HSP90AA1: variants seen among roughly 807,000 people sequenced by gnomAD.
HSP90AA1 encodes heat shock protein HSP 90-alpha.
A neutral mutation model predicts 73.3 loss-of-function variants in HSP90AA1; 18 were observed. The observed-to-expected ratio is 0.25, with a 90% CI of 0.17 to 0.36. The LOEUF (loss-of-function observed/expected upper bound fraction) is 0.36. HSP90AA1 is among the 10% of genes least tolerant of loss of function. The probability of loss-of-function intolerance (pLI) is 1.00; values close to 1 mark genes in which losing one functional copy is unlikely to be tolerated. For missense variants in HSP90AA1, 704 were observed against 874.2 expected, an observed-to-expected ratio of 0.81 and a Z score of 2.45; for synonymous variants, 477 against 296.9, an observed-to-expected ratio of 1.61 and a Z score of -6.24.
chr14:102,107,474 G>A (rs191757584), intron 1 of HSP90AA1, among the ~76,000 whole-genome samples: 7 of 151,886 alleles, frequency 4.6e-5, no homozygotes, highest in South Asian at 2.1e-4. Flanking sequence ...ACAGGTGCAC[G>A]CCACCATGCC....
At position 102,097,609 on chromosome 14, in the gene HSP90AA1, T is replaced by C. The variant is rs115472565; in HGVS notation, c.366+4266A>G. 9.8e-3 allele frequency among the ~76,000 whole-genome samples: 1,494 copies of C among 152,332 alleles called. 38 individuals are homozygous for C. Among genetic ancestry groups the C allele is most frequent in the African/African-American group, 0.034 (1,418 of 41,582 alleles). On this transcript the variant is annotated intron_variant, in intron 2 of 11. Coordinates refer to the HSP90AA1 transcript ENST00000334701. ...GAACAGGCCTAGCTGGTCCGTCCAG[T>C]GCCCAGAGGGCTTGTTTATCCTCAG...
At chr14:102,097,964 G>A (rs1265472374) in intron 2 of HSP90AA1, among the ~76,000 whole-genome samples, 2 of 152,206 alleles carry the variant, frequency 1.3e-5, no homozygotes, top group East Asian at 3.9e-4. Context: ...CACCCGGCTA[G>A]TTCACACCTC....
At chr14:102,128,916 AAGGTTT>A (rs917127970) in intron 1 of HSP90AA1, among the ~76,000 whole-genome samples, 1 of 152,162 alleles carries the variant, frequency 6.6e-6, no homozygotes, top group African/African-American at 2.4e-5. Flanking sequence ...AGAAATGAGA[AAGGTTT>A]ATGCCTTACG....
rs1355308477 is a variant in HSP90AA1, at chr14:102,081,571, A to G, written c.*141T>C. ...TATCACAGCATCACTTAGTAGACAGAAATCTTATCTTCCCCTTAAAGTAGT... is the reference window on the plus strand; with the variant it reads ...TATCACAGCATCACTTAGTAGACAGGAATCTTATCTTCCCCTTAAAGTAGT... On this transcript the variant is annotated 3_prime_UTR_variant, in exon 11 of 11. Transcript: ENST00000216281. 1 of 667,292 alleles carries G rather than the reference A, an allele frequency of 1.5e-6. No individual in the cohort carries two copies. The allele number at this position is 667,292 out of a possible 1,614,324, so 41.3% of individuals were successfully genotyped here.
chr14:102,084,002 A>T lies in HSP90AA1; in HGVS notation c.1148-19T>A. On this transcript the variant is annotated intron_variant, in intron 6 of 10. Transcript: ENST00000216281. ...ATGAAGTCTGAAAAAAATATAAACC[A>T]AATGCACTGAGTCATTCCAAGGACA... 6.3e-7 allele frequency: 1 copy of T among 1,582,694 alleles called. No individual in the cohort carries two copies. Among genetic ancestry groups the T allele is most frequent in the Non-Finnish European group, 8.7e-7 (1 of 1,151,652 alleles).
Position 102,087,016 on chromosome 14 carries a change from C to G in HSP90AA1, c.-31G>C, listed in dbSNP as rs1026355438. On this transcript the variant is annotated 5_prime_UTR_variant, in exon 1 of 11. Coordinates refer to ENST00000216281, the MANE Select transcript of HSP90AA1 (RefSeq NM_005348.4). The stretch of plus-strand genomic sequence containing the variant: ...CTAAGTGACCGCACAGGACCAACGG[C>G]ACAGCCACACCGGGACGCTGAAGCA... The G allele has an allele frequency of 2.1e-4, 206 of 985,326 alleles. No individual in the cohort carries two copies. Among genetic ancestry groups the G allele is most frequent in the Non-Finnish European group, 2.5e-4 (204 of 830,154 alleles). The allele number at this position is 985,326 out of a possible 1,614,324, so 61.0% of individuals were successfully genotyped here.
intron 1 of HSP90AA1, among the ~76,000 whole-genome samples, chr14:102,086,617 T>A (rs1566721905): frequency 8.6e-5 from 13 of 150,804 alleles, no homozygotes. Flanking sequence ...CCCGCCGCGG[T>A]CCCCAACGAA....
Position 102,085,405 on chromosome 14 carries a change from C to T in HSP90AA1, c.556G>A (p.Val186Ile), listed in dbSNP as rs1229177050. ...TGGTCTTCTTTCAGGTGTAGGATAACTTTTGTTCCACGACCCATAGGTTCA... is the reference window on the plus strand; with the variant it reads ...TGGTCTTCTTTCAGGTGTAGGATAATTTTTGTTCCACGACCCATAGGTTCA... Reference protein sequence around the residue: ...TGEPMGRGTKVILHLKEDQTE... With the variant: ...TGEPMGRGTKIILHLKEDQTE... Residue 186 changes from valine to isoleucine, a missense_variant, in exon 4 of 11, where the codon GTT (valine) becomes ATT (isoleucine). Transcript: ENST00000216281. The T allele has an allele frequency of 2.5e-6, 4 of 1,613,742 alleles. No homozygotes were observed. Among genetic ancestry groups the T allele is most frequent in the South Asian group, 2.2e-5 (2 of 91,064 alleles).
intron 1 of HSP90AA1, among the ~76,000 whole-genome samples, chr14:102,104,392 T>C (rs765277107): frequency 5.1e-4 from 78 of 152,004 alleles, no homozygotes; most frequent in Non-Finnish European, 1.0e-4. Context: ...TTTGTATTTT[T>C]AGTAGAGACA....
At chr14:102,131,033 A>G (rs886770140) in intron 1 of HSP90AA1, among the ~76,000 whole-genome samples, 1 of 152,212 alleles carries the variant, frequency 6.6e-6, no homozygotes. Flanking sequence ...CAGGCTTTAA[A>G]TACTACCTAT....
chr14:102,129,353 ACTATTATTCAG>A (rs2049878328), intron 1 of HSP90AA1, among the ~76,000 whole-genome samples: 1 of 151,796 alleles, frequency 6.6e-6, no homozygotes, highest in South Asian at 2.1e-4. Flanking sequence ...TCACCCAACG[ACTATTATTCAG>A]TGGTTTCTGG....
upstream of HSP90AA1, among the ~76,000 whole-genome samples, chr14:102,091,612 T>A (rs1316181385): frequency 3.3e-5 from 5 of 151,586 alleles, no homozygotes; most frequent in African/African-American, 1.2e-4. Flanking sequence ...GGCAACAGAG[T>A]GAGACTGTCT....
intron 1 of HSP90AA1, among the ~76,000 whole-genome samples, chr14:102,132,366 A>C (rs1416201967): frequency 6.6e-6 from 1 of 151,770 alleles, no homozygotes; most frequent in East Asian, 1.9e-4. Flanking sequence ...ACTCAGTCTC[A>C]AAAAAAATAA....
intron 2 of HSP90AA1, among the ~76,000 whole-genome samples, chr14:102,100,318 T>C (rs2049476369): frequency 6.6e-6 from 1 of 152,120 alleles, no homozygotes; most frequent in African/African-American, 2.4e-5. Context: ...AGGCTCACAG[T>C]GAATTCTCTC....
At chr14:102,134,627 T>TA (rs1191236964) in intron 1 of HSP90AA1, among the ~76,000 whole-genome samples, 3 of 152,094 alleles carry the variant, frequency 2.0e-5, no homozygotes, top group Non-Finnish European at 4.4e-5. Context: ...CGGTGAGTAT[T>TA]ACAGCTCCTA....
chr14:102,084,761 G>C lies in HSP90AA1; in HGVS notation c.901C>G (p.Pro301Ala), dbSNP rs1385045797. 1.9e-6 allele frequency: 3 copies of C among 1,614,110 alleles called. No individual in the cohort carries two copies. The highest frequency in any genetic ancestry group is 2.2e-5 in the South Asian group (2 of 91,076). The change falls in exon 5 of 11, where the codon CCC (proline) becomes GCC (alanine). Residue 301 changes from proline (P) to alanine (A), a missense_variant. By Grantham distance (27) the Pro-to-Ala change is conservative. Transcript: ENST00000216281. The stretch of plus-strand genomic sequence containing the variant: ...TACTCCTCATTAGTAATATCGTCGG[G>C]ATTTCTGGTCCAGATGGGCTTTGTT... Reference protein sequence around the residue: ...NKTKPIWTRNPDDITNEEYGE... With the variant: ...NKTKPIWTRNADDITNEEYGE...
intron 9 of HSP90AA1, 143 bp downstream of exon 9, chr14:102,082,891 T>G (rs1280445564): frequency 8.5e-6 from 7 of 825,544 alleles, no homozygotes; most frequent in Non-Finnish European, 1.5e-5. Context: ...AGTGCTGGGA[T>G]TGCAGGCGTG....
exon 1 of HSP90AA1, chr14:102,139,385 C>G: frequency 6.3e-7 from 1 of 1,583,734 alleles, no homozygotes; most frequent in African/African-American, 1.3e-5. Flanking sequence ...GGAGCCGTCC[C>G]CGCCCGAACA....
intron 1 of HSP90AA1, among the ~76,000 whole-genome samples, chr14:102,136,916 G>T (rs934002995): frequency 1.4e-5 from 2 of 143,274 alleles, no homozygotes; most frequent in African/African-American, 5.2e-5. Flanking sequence ...AAAAAAAAAA[G>T]AAATACCTGG....
Sources: allele counts gnomAD v4.1 joint callset (sites outside exome capture counted in the v4.1 genomes callset), GRCh38; gene constraint gnomAD v4.1.1; transcripts MANE v1.5; gene names NCBI Gene and HGNC (gene_info 2026-07-23, HGNC 2026-07-21).